The following ENTREP2 variants were observed in gnomAD, a reference collection of about 807,000 sequenced individuals.
ENTREP2 encodes protein ENTREP2.
chr15:29,304,376 G>A, the ENTREP2 span, among the ~76,000 whole-genome samples: 11 of 152,164 alleles, frequency 7.2e-5, no homozygotes, highest in African/African-American at 2.2e-4. Flanking sequence ...CTCTAAAACT[G>A]ACCACACAAT....
At chr15:29,405,517 TC>T in the ENTREP2 span, among the ~76,000 whole-genome samples, 65 of 152,114 alleles carry the variant, frequency 4.3e-4, no homozygotes, top group Non-Finnish European at 7.2e-4. Context: ...TGCCTACCCT[TC>T]CTGCTTCATC....
At chr15:29,450,138 C>A in the ENTREP2 span, among the ~76,000 whole-genome samples, 1 of 152,114 alleles carries the variant, frequency 6.6e-6, no homozygotes, top group African/African-American at 2.4e-5. Flanking sequence ...CTTGTAGATT[C>A]TGAATATTGG....
chr15:29,239,280 AT>A, the ENTREP2 span, among the ~76,000 whole-genome samples: 1 of 152,180 alleles, frequency 6.6e-6, no homozygotes, highest in South Asian at 2.1e-4. Flanking sequence ...CCCGGGTTGT[AT>A]AAAAAGTCCT....
the ENTREP2 span, among the ~76,000 whole-genome samples, chr15:29,118,968 G>A: frequency 6.6e-6 from 1 of 152,180 alleles, no homozygotes; most frequent in Non-Finnish European, 1.5e-5. Context: ...AGCAGCGTGA[G>A]CTCCTTGCTG....
At chr15:29,324,259 AT>A in the ENTREP2 span, among the ~76,000 whole-genome samples, 1 of 151,848 alleles carries the variant, frequency 6.6e-6, no homozygotes, top group Admixed American at 6.6e-5. Context: ...ACATCTAGCT[AT>A]TTTTTTATTT....
chr15:29,568,483 G>C, the ENTREP2 span, among the ~76,000 whole-genome samples: 1 of 152,104 alleles, frequency 6.6e-6, no homozygotes, highest in Non-Finnish European at 1.5e-5. Context: ...CTTGAGATAA[G>C]GAGTTTGAGT....
At chr15:29,468,519 C>G in the ENTREP2 span, among the ~76,000 whole-genome samples, 3,109 of 149,956 alleles carry the variant, frequency 0.021, 101 homozygotes, top group African/African-American at 0.07. Flanking sequence ...CTGAGGCAGG[C>G]GAATCGCTTG....
At chr15:29,616,078 A>G in the ENTREP2 span, among the ~76,000 whole-genome samples, 1 of 152,230 alleles carries the variant, frequency 6.6e-6, no homozygotes, top group East Asian at 1.9e-4. Context: ...AGGATCACAC[A>G]TATGTTGTTG....
the ENTREP2 span, among the ~76,000 whole-genome samples, chr15:29,294,882 T>C: frequency 6.6e-6 from 1 of 152,108 alleles, no homozygotes; most frequent in Non-Finnish European, 1.5e-5. Flanking sequence ...TCTTGGAAAG[T>C]GAAGTCCCGA....
the ENTREP2 span, among the ~76,000 whole-genome samples, chr15:29,129,157 G>A: frequency 6.6e-6 from 1 of 152,158 alleles, no homozygotes; most frequent in Non-Finnish European, 1.5e-5. Context: ...TCCGCTGCCC[G>A]GATTCAAGCG....
At chr15:29,444,317 C>T in the ENTREP2 span, among the ~76,000 whole-genome samples, 7,384 of 152,168 alleles carry the variant, frequency 0.049, 241 homozygotes, top group Non-Finnish European at 0.075. Flanking sequence ...AGCAAATCTA[C>T]ATTTTATATA....
the ENTREP2 span, among the ~76,000 whole-genome samples, chr15:29,435,078 T>G: frequency 0.029 from 4,396 of 152,214 alleles, 226 homozygotes; most frequent in African/African-American, 0.1. Flanking sequence ...TCCTCCCCAT[T>G]TTCCCCTCTT....
the ENTREP2 span, among the ~76,000 whole-genome samples, chr15:29,367,396 T>C: frequency 6.6e-6 from 1 of 152,174 alleles, no homozygotes; most frequent in Non-Finnish European, 1.5e-5. Context: ...GACCCTGAGC[T>C]CACCCAGTGT....
chr15:29,233,934 C>T, the ENTREP2 span: 1 of 1,564,846 alleles, frequency 6.4e-7, no homozygotes, highest in South Asian at 1.1e-5. Flanking sequence ...GCTGGAGTAT[C>T]TACTTCCATT....
At chr15:29,216,641 T>C in the ENTREP2 span, among the ~76,000 whole-genome samples, 1 of 152,128 alleles carries the variant, frequency 6.6e-6, no homozygotes, top group African/African-American at 2.4e-5. Flanking sequence ...CCCGAGCGAG[T>C]TCCATGGTTT....
the ENTREP2 span, among the ~76,000 whole-genome samples, chr15:29,179,494 T>C: frequency 1.3e-5 from 2 of 151,946 alleles, no homozygotes; most frequent in African/African-American, 2.4e-5. Context: ...TGCCAGGAGC[T>C]AAAGGGATAC....
chr15:29,420,903 T>C, the ENTREP2 span, among the ~76,000 whole-genome samples: 1 of 152,216 alleles, frequency 6.6e-6, no homozygotes, highest in African/African-American at 2.4e-5. Flanking sequence ...GGTCCCACCA[T>C]GCCCTCTGCC....
the ENTREP2 span, among the ~76,000 whole-genome samples, chr15:29,442,802 C>A: frequency 6.6e-6 from 1 of 152,324 alleles, no homozygotes; most frequent in South Asian, 2.1e-4. Context: ...AGGCTGTTTG[C>A]ACTTGTCAGC....
At chr15:29,502,343 A>G in the ENTREP2 span, among the ~76,000 whole-genome samples, 1 of 152,124 alleles carries the variant, frequency 6.6e-6, no homozygotes, top group South Asian at 2.1e-4. Flanking sequence ...TCAATAAGGA[A>G]AGAATAATTT....
Sources: allele counts gnomAD v4.1 joint callset (sites outside exome capture counted in the v4.1 genomes callset), GRCh38; gene constraint gnomAD v4.1.1; transcripts MANE v1.5; gene names NCBI Gene and HGNC (gene_info 2026-07-23, HGNC 2026-07-21).